The following EPHA6 variants were observed in gnomAD, a reference collection of about 807,000 sequenced individuals.
EPHA6 encodes the protein EPH receptor A6.
Under a neutral mutation model 112.0 loss-of-function variants are expected in EPHA6, and 50 were observed. That is an observed-to-expected ratio of 0.45 (90% CI 0.36 to 0.56). The LOEUF is 0.56. Among genes scored for constraint, EPHA6 ranks in the 20% least tolerant of loss-of-function variants. EPHA6 has a pLI of 0.00. For missense variants in EPHA6, 1,280 were observed against 1,417.4 expected (o/e 0.90, Z 1.56); for synonymous variants, 529 against 490.7 (o/e 1.08, Z -1.03).
intron 13 of EPHA6, among the ~76,000 whole-genome samples, chr3:97,613,393 G>A (rs1250309883): frequency 1.3e-5 from 2 of 152,104 alleles, no homozygotes; most frequent in Admixed American, 6.6e-5. Flanking sequence ...AGCCTTCTGT[G>A]CTTACTGGAA....
intron 4 of EPHA6, among the ~76,000 whole-genome samples, chr3:97,242,843 G>A (rs59384438): frequency 0.038 from 5,808 of 151,598 alleles, 392 homozygotes; most frequent in African/African-American, 0.13. Flanking sequence ...AAAATATGGC[G>A]TGACTGTTGT....
chr3:96,904,048 G>A (rs2038774939), intron 2 of EPHA6, among the ~76,000 whole-genome samples: 1 of 152,074 alleles, frequency 6.6e-6, no homozygotes, highest in Non-Finnish European at 1.5e-5. Flanking sequence ...AGTCAGTGTG[G>A]CGATTCCTCA....
At chr3:97,303,651 C>T (rs563950504) in intron 5 of EPHA6, among the ~76,000 whole-genome samples, 20 of 151,624 alleles carry the variant, frequency 1.3e-4, no homozygotes, top group South Asian at 4.2e-4. Context: ...TAAAACAGGG[C>T]GAACATATAT....
At chr3:97,129,541 A>G (rs1488981230) in intron 3 of EPHA6, among the ~76,000 whole-genome samples, 1 of 152,080 alleles carries the variant, frequency 6.6e-6, no homozygotes, top group African/African-American at 2.4e-5. Flanking sequence ...AACAAAAAAA[A>G]GTACAGTGGT....
At chr3:97,374,170 C>A (rs779904293) in intron 5 of EPHA6, among the ~76,000 whole-genome samples, 5 of 152,000 alleles carry the variant, frequency 3.3e-5, no homozygotes, top group South Asian at 2.1e-4. Context: ...ACTTCATATA[C>A]CTCTCCACAC....
At chr3:96,837,851 C>T (rs916222517) in intron 1 of EPHA6, among the ~76,000 whole-genome samples, 16 of 152,018 alleles carry the variant, frequency 1.1e-4, no homozygotes, top group South Asian at 8.3e-4. Flanking sequence ...CTTAATGTAT[C>T]TTGGAGTTTT....
At chr3:96,898,702 C>T (rs2038419744) in intron 2 of EPHA6, among the ~76,000 whole-genome samples, 1 of 151,928 alleles carries the variant, frequency 6.6e-6, no homozygotes, top group African/African-American at 2.4e-5. Context: ...CTAGGGCTGT[C>T]GTGACAAATA....
At chr3:97,198,550 T>A (rs1035694684) in intron 3 of EPHA6, among the ~76,000 whole-genome samples, 3 of 152,092 alleles carry the variant, frequency 2.0e-5, no homozygotes, top group Non-Finnish European at 2.9e-5. Context: ...CTCAGCAGCA[T>A]TGTAAAAGGA....
chr3:97,410,741 A>T lies in EPHA6; in HGVS notation c.1731+5467A>T, dbSNP rs149720028. On this transcript the variant is annotated intron_variant, in intron 6 of 17. Transcript: ENST00000389672. ...TAACATGAGATTTTGGGTTCCTAGC[A>T]AACTCCTATGTGATTCCAGCATTCC... Among the ~76,000 whole-genome samples the T allele has an allele frequency of 4.8e-3, 728 of 152,150 alleles. 7 individuals carry two copies. The highest frequency in any genetic ancestry group is 0.017 in the African/African-American group (701 of 41,540).
chr3:96,877,641 G>A (rs958874231), intron 2 of EPHA6, among the ~76,000 whole-genome samples: 2 of 151,284 alleles, frequency 1.3e-5, no homozygotes, highest in East Asian at 3.9e-4. Context: ...ACAGGTTGGC[G>A]TTAAATGTTA....
At chr3:97,230,576 G>T (rs961570047) in intron 4 of EPHA6, among the ~76,000 whole-genome samples, 1 of 152,040 alleles carries the variant, frequency 6.6e-6, no homozygotes, top group Admixed American at 6.6e-5. Flanking sequence ...GTTGCTATAG[G>T]GCAGGAAAAA....
At chr3:97,435,206 C>T (rs1485113704) in intron 6 of EPHA6, among the ~76,000 whole-genome samples, 2 of 151,722 alleles carry the variant, frequency 1.3e-5, no homozygotes, top group African/African-American at 4.8e-5. Context: ...TTTATTTTAC[C>T]ATGCTGCTTG....
intron 3 of EPHA6, among the ~76,000 whole-genome samples, chr3:97,022,678 C>T (rs1269663506): frequency 6.6e-6 from 1 of 152,104 alleles, no homozygotes; most frequent in Non-Finnish European, 1.5e-5. Context: ...TCTAGATGTC[C>T]TCTGCATGGT....
rs2093239848 is a variant in EPHA6 at position 97,564,829 on chromosome 3, A to G, written c.2387-27783A>G. ...AGCAGCTATTATACACTCTAAGGCC[A>G]ATTGCTACATAATCAGAGGTCGTAA... On this transcript the variant is annotated intron_variant, in intron 11 of 17. Transcript: ENST00000389672. Among the ~76,000 whole-genome samples, 3 of 152,182 alleles carry G rather than the reference A, an allele frequency of 2.0e-5. No homozygotes were observed. The South Asian group carries it at 6.2e-4, about 32-fold the overall frequency.
intron 3 of EPHA6, among the ~76,000 whole-genome samples, chr3:97,196,297 T>C (rs2077440206): frequency 6.6e-6 from 1 of 151,984 alleles, no homozygotes; most frequent in East Asian, 1.9e-4. Context: ...TTCAACTGAA[T>C]CTTTCACCTC....
chr3:97,557,866 A>T (rs1451765210), intron 11 of EPHA6, among the ~76,000 whole-genome samples: 3 of 151,812 alleles, frequency 2.0e-5, no homozygotes, highest in Admixed American at 1.3e-4. Flanking sequence ...TTCTTTCTTA[A>T]TATCTCATTA....
At chr3:97,591,651 G>A (rs2093545771) in intron 11 of EPHA6, among the ~76,000 whole-genome samples, 1 of 152,152 alleles carries the variant, frequency 6.6e-6, no homozygotes, top group African/African-American at 2.4e-5. Flanking sequence ...AATACTGCAA[G>A]TGTATTAAAT....
At chr3:97,310,312 A>T (rs184898652) in intron 5 of EPHA6, among the ~76,000 whole-genome samples, 119 of 151,708 alleles carry the variant, frequency 7.8e-4, no homozygotes, top group Admixed American at 1.8e-3. Context: ...AACACACATC[A>T]ACTTGGAAAA....
chr3:97,622,233 A>C (rs2093819543), intron 13 of EPHA6, among the ~76,000 whole-genome samples: 1 of 151,614 alleles, frequency 6.6e-6, no homozygotes, highest in Non-Finnish European at 1.5e-5. Flanking sequence ...CACTTCTTTA[A>C]AATCATTAAA....
Sources: allele counts gnomAD v4.1 joint callset (sites outside exome capture counted in the v4.1 genomes callset), GRCh38; gene constraint gnomAD v4.1.1; transcripts MANE v1.5; gene names NCBI Gene and HGNC (gene_info 2026-07-23, HGNC 2026-07-21).